The following GABRA2 variants were observed in gnomAD, a reference collection of about 807,000 sequenced individuals.
GABRA2 encodes the protein gamma-aminobutyric acid receptor subunit alpha-2.
GABRA2 carries 16 observed loss-of-function variants against 48.7 expected under a neutral mutation model. The ratio of observed to expected loss-of-function variants is 0.33; its 90% CI spans 0.22 to 0.50. The LOEUF (loss-of-function observed/expected upper bound fraction) is 0.50, where lower values mean the gene tolerates loss of function less well. GABRA2 is among the 20% of genes least tolerant of loss of function. The pLI is 0.98. For missense variants in GABRA2, 275 were observed against 535.6 expected, an observed-to-expected ratio of 0.51 and a Z score of 4.80; for synonymous variants, 185 against 184.5, an observed-to-expected ratio of 1.00 and a Z score of -0.02.
At chr4:46,322,907 T>C (rs563724029) in intron 4 of GABRA2, among the ~76,000 whole-genome samples, 21 of 152,088 alleles carry the variant, frequency 1.4e-4, no homozygotes, top group African/African-American at 4.6e-4. Context: ...CAAGTGACTT[T>C]CATTTGTGTG....
At chr4:46,275,651 C>T (rs567613578) in intron 8 of GABRA2, among the ~76,000 whole-genome samples, 40 of 152,160 alleles carry the variant, frequency 2.6e-4, no homozygotes, top group African/African-American at 8.9e-4. Flanking sequence ...CTATATAAAC[C>T]GCCCCAATGT....
chr4:46,331,521 A>C (rs1266751842), intron 4 of GABRA2, among the ~76,000 whole-genome samples: 1 of 152,178 alleles, frequency 6.6e-6, no homozygotes, highest in Admixed American at 6.6e-5. Flanking sequence ...AAAATGTCCA[A>C]CCTTGTCAAC....
chr4:46,373,546 C>G (rs1191073059), intron 3 of GABRA2, among the ~76,000 whole-genome samples: 1 of 152,076 alleles, frequency 6.6e-6, no homozygotes, highest in Non-Finnish European at 1.5e-5. Context: ...ATAATTATTA[C>G]TAATAATATG....
intron 4 of GABRA2, among the ~76,000 whole-genome samples, chr4:46,327,501 A>T (rs1293774346): frequency 6.6e-6 from 1 of 151,978 alleles, no homozygotes; most frequent in Admixed American, 6.6e-5. Context: ...AAGGGAGTAA[A>T]CATCATTAAT....
intron 6 of GABRA2, among the ~76,000 whole-genome samples, chr4:46,307,879 C>T (rs1322769148): frequency 6.6e-6 from 1 of 152,042 alleles, no homozygotes; most frequent in Admixed American, 6.6e-5. Flanking sequence ...CAGATTAAAG[C>T]CTCTCCCGAA....
At chr4:46,308,480 T>A (rs1727086711) in intron 6 of GABRA2, among the ~76,000 whole-genome samples, 1 of 152,204 alleles carries the variant, frequency 6.6e-6, no homozygotes, top group African/African-American at 2.4e-5. Flanking sequence ...GCCAACATTG[T>A]CAGCTATGGC....
chr4:46,247,415 T>G lies in GABRA2; in HGVS notation c.*2893A>C, dbSNP rs747696143. Among the ~76,000 whole-genome samples the G allele has an allele frequency of 9.3e-5, 14 of 151,126 alleles. No homozygotes were observed. Among genetic ancestry groups the G allele is most frequent in the Non-Finnish European group, 1.6e-4 (11 of 67,450 alleles). On this transcript the variant is annotated 3_prime_UTR_variant, in exon 10 of 10. Coordinates refer to ENST00000381620, the MANE Select transcript of GABRA2 (RefSeq NM_000807.4). ...TATAAGAATGAGATGCACTTAAAAT[T>G]TCAACTAAATTCAGTGGGTGTGACA...
chr4:46,303,774 G>A (rs918907300), intron 7 of GABRA2, among the ~76,000 whole-genome samples, 162 bp from the exon 8 acceptor site: 3 of 152,140 alleles, frequency 2.0e-5, no homozygotes, highest in African/African-American at 7.2e-5. Flanking sequence ...CCTTAGCATA[G>A]CATGAGTGTT....
intron 8 of GABRA2, among the ~76,000 whole-genome samples, chr4:46,273,490 TATATATATA>T (rs1719821288): frequency 2.1e-5 from 1 of 47,518 alleles, no homozygotes; most frequent in African/African-American, 1.1e-4. Context: ...TATGCATATA[TATATATATA>T]TGCATATATA....
chr4:46,329,531 A>G (rs79359911), intron 4 of GABRA2, among the ~76,000 whole-genome samples: 123 of 152,200 alleles, frequency 8.1e-4, no homozygotes, highest in African/African-American at 2.8e-3. Flanking sequence ...GTGAGGTCAG[A>G]ATTCACAGGT....
At chr4:46,328,454 C>T (rs1379230603) in intron 4 of GABRA2, among the ~76,000 whole-genome samples, 1 of 151,998 alleles carries the variant, frequency 6.6e-6, no homozygotes, top group Non-Finnish European at 1.5e-5. Context: ...ACCGTGCACA[C>T]TGATTAGAAA....
intron 4 of GABRA2, among the ~76,000 whole-genome samples, chr4:46,314,783 C>T (rs1578016962): frequency 6.6e-6 from 1 of 152,070 alleles, no homozygotes; most frequent in Non-Finnish European, 1.5e-5. Context: ...ATAATGGCTT[C>T]CAGCTGCATC....
At chr4:46,317,977 A>T (rs968925410) in intron 4 of GABRA2, among the ~76,000 whole-genome samples, 1 of 151,648 alleles carries the variant, frequency 6.6e-6, no homozygotes, top group African/African-American at 2.4e-5. Flanking sequence ...AAATACCGAA[A>T]GTTGATGGGT....
intron 4 of GABRA2, among the ~76,000 whole-genome samples, chr4:46,328,293 TGTGC>T (rs150050420): frequency 0.063 from 8,172 of 130,088 alleles, 579 homozygotes; most frequent in African/African-American, 0.18. Context: ...TGTGTGTGTG[TGTGC>T]GCACACGCAT....
At chr4:46,384,348 T>G (rs1717159731) in intron 3 of GABRA2, among the ~76,000 whole-genome samples, 1 of 152,108 alleles carries the variant, frequency 6.6e-6, no homozygotes, top group Admixed American at 6.5e-5. Flanking sequence ...AGAGAATAAC[T>G]CAAGAAAAGC....
chr4:46,290,062 C>T (rs1468692619), intron 8 of GABRA2, among the ~76,000 whole-genome samples: 1 of 149,804 alleles, frequency 6.7e-6, no homozygotes, highest in Non-Finnish European at 1.5e-5. Context: ...CAGGCGCCCG[C>T]CACCGTGCCC....
intron 9 of GABRA2, among the ~76,000 whole-genome samples, chr4:46,253,851 A>G (rs1715281572): frequency 1.3e-5 from 2 of 151,610 alleles, no homozygotes; most frequent in East Asian, 3.9e-4. Context: ...GAATTTTACA[A>G]AGTCTTATTT....
Position 46,250,512 on chromosome 4 carries a change from G to C in GABRA2, c.1152C>G (p.Leu384=). Residue 384 remains leucine, a synonymous_variant, in exon 10 of 10, where the codon CTC becomes CTG. Coordinates refer to ENST00000381620, the MANE Select transcript of GABRA2 (RefSeq NM_000807.4). ...TGGTTGCACTCTTGGAGATGGTGGA[G>C]AGAACTGGATCTTTTGAAAGATTCG... ...YAPNLSKDPV[L]STISKSATTP... 2 of 1,611,832 alleles carry C rather than the reference G, an allele frequency of 1.2e-6. No individual in the cohort carries two copies. Among genetic ancestry groups the C allele is most frequent in the Non-Finnish European group, 1.7e-6 (2 of 1,178,548 alleles).
At chr4:46,345,985 T>C (rs761579748) in intron 3 of GABRA2, among the ~76,000 whole-genome samples, 21 of 151,926 alleles carry the variant, frequency 1.4e-4, no homozygotes, top group South Asian at 4.1e-4. Flanking sequence ...ATCACGATGC[T>C]AATAATTTTG....
Sources: allele counts gnomAD v4.1 joint callset (sites outside exome capture counted in the v4.1 genomes callset), GRCh38; gene constraint gnomAD v4.1.1; transcripts MANE v1.5; gene names NCBI Gene and HGNC (gene_info 2026-07-23, HGNC 2026-07-21).